The following NAALADL2 variants were observed in gnomAD, a reference collection of about 807,000 sequenced individuals.
NAALADL2 encodes N-acetylated alpha-linked acidic dipeptidase like 2.
NAALADL2 carries 76 observed loss-of-function variants against 87.2 expected under a neutral mutation model. The ratio of observed to expected loss-of-function variants is 0.87; its 90% CI spans 0.72 to 1.05. The LOEUF is 1.05. NAALADL2 is among the 50% of genes least tolerant of loss of function. The pLI, the probability that NAALADL2 is intolerant of heterozygous loss-of-function variation, is 0.00. For missense variants in NAALADL2, 1,089 were observed against 945.8 expected (o/e 1.15, Z -1.99); for synonymous variants, 354 against 331.0 (o/e 1.07, Z -0.75).
intron 3 of NAALADL2, among the ~76,000 whole-genome samples, chr3:174,832,232 T>C (rs1318066439): frequency 6.6e-6 from 1 of 152,188 alleles, no homozygotes; most frequent in African/African-American, 2.4e-5. Flanking sequence ...TCCTGCTTTC[T>C]CTTATGGGCA....
chr3:174,486,389 G>A (rs1478438727), intron 1 of NAALADL2, among the ~76,000 whole-genome samples: 1 of 152,012 alleles, frequency 6.6e-6, no homozygotes, highest in Non-Finnish European at 1.5e-5. Flanking sequence ...TAAAATGTAT[G>A]GGGCCCCTCG....
At position 175,628,188 on chromosome 3, in the gene NAALADL2, C is replaced by T. The variant is rs189109038; in HGVS notation, c.1896+802C>T. Among the ~76,000 whole-genome samples, 1,074 of 151,650 alleles carry T rather than the reference C, an allele frequency of 7.1e-3. 11 individuals are homozygous for T. Among genetic ancestry groups the T allele is most frequent in the African/African-American group, 0.025 (1,016 of 41,446 alleles). ...CCATTTGGTTCTTCACTTTCAGTGC[C>T]GTATTCGACAAATTACATGAGACAT... On this transcript the variant is annotated intron_variant, in intron 11 of 13. Transcript: ENST00000454872.
intron 3 of NAALADL2, among the ~76,000 whole-genome samples, chr3:175,255,455 GACTA>G (rs748310584): frequency 2.0e-5 from 3 of 152,228 alleles, no homozygotes; most frequent in East Asian, 1.9e-4. Context: ...GATTTGCCAT[GACTA>G]ACTGTTTTCT....
chr3:175,205,701 A>G (rs534602017), intron 2 of NAALADL2, among the ~76,000 whole-genome samples: 104 of 152,244 alleles, frequency 6.8e-4, no homozygotes, highest in African/African-American at 2.3e-3. Flanking sequence ...CATATATCTG[A>G]CAAAAGGCTA....
intron 4 of NAALADL2, among the ~76,000 whole-genome samples, chr3:175,294,823 A>G (rs928078779): frequency 6.6e-6 from 1 of 152,192 alleles, no homozygotes; most frequent in African/African-American, 2.4e-5. Flanking sequence ...TCTGACAGAA[A>G]AATTATTCGG....
At chr3:175,683,084 T>G (rs945107666) in intron 11 of NAALADL2, among the ~76,000 whole-genome samples, 1 of 151,830 alleles carries the variant, frequency 6.6e-6, no homozygotes, top group African/African-American at 2.4e-5. Context: ...AAACAGAAAA[T>G]TGTGAGAGGT....
chr3:175,287,387 G>A (rs1305712400), intron 4 of NAALADL2, among the ~76,000 whole-genome samples: 2 of 152,064 alleles, frequency 1.3e-5, no homozygotes, highest in African/African-American at 4.8e-5. Context: ...CCCAAACAAT[G>A]AAAATTGTAA....
intron 2 of NAALADL2, among the ~76,000 whole-genome samples, chr3:174,708,511 A>T (rs1730316717): frequency 6.6e-6 from 1 of 152,196 alleles, no homozygotes; most frequent in Non-Finnish European, 1.5e-5. Flanking sequence ...GAGAAATTTC[A>T]GTAATTCGTT....
chr3:174,454,617 A>G (rs1324989472), intron 1 of NAALADL2, among the ~76,000 whole-genome samples: 1 of 152,212 alleles, frequency 6.6e-6, no homozygotes, highest in East Asian at 1.9e-4. Context: ...ATGGAAATTG[A>G]ATAACCTGCT....
chr3:174,940,694 T>C (rs143078346), intron 1 of NAALADL2, among the ~76,000 whole-genome samples: 1 of 152,030 alleles, frequency 6.6e-6, no homozygotes, highest in African/African-American at 2.4e-5. Flanking sequence ...ATTTTGGAGC[T>C]CATTATCGGT....
intron 1 of NAALADL2, among the ~76,000 whole-genome samples, chr3:174,892,960 AC>A (rs1030583259): frequency 1.3e-5 from 2 of 151,750 alleles, no homozygotes; most frequent in African/African-American, 4.8e-5. Flanking sequence ...GTTGTAGAAA[AC>A]CAAGCAGATT....
intron 1 of NAALADL2, among the ~76,000 whole-genome samples, chr3:175,015,134 A>T (rs1209581182): frequency 3.9e-5 from 6 of 152,104 alleles, no homozygotes; most frequent in Non-Finnish European, 7.4e-5. Context: ...AGAAAACTGA[A>T]TTTAAAAATT....
chr3:175,590,338 A>AT (rs374385420), intron 10 of NAALADL2, among the ~76,000 whole-genome samples: 17,314 of 133,452 alleles, frequency 0.13, 1,564 homozygotes, highest in Middle Eastern at 0.2. Context: ...GACCTGTTGA[A>AT]TTTTTTTTTT....
At chr3:175,347,557 T>C (rs1199346466) in intron 5 of NAALADL2, among the ~76,000 whole-genome samples, 2 of 152,078 alleles carry the variant, frequency 1.3e-5, no homozygotes, top group Non-Finnish European at 2.9e-5. Context: ...GTCATCTAGA[T>C]AAATAACCCC....
At chr3:175,211,621 C>T (rs748000108) in intron 2 of NAALADL2, among the ~76,000 whole-genome samples, 7 of 151,868 alleles carry the variant, frequency 4.6e-5, no homozygotes, top group Non-Finnish European at 7.4e-5. Context: ...GTCATCTATT[C>T]CCTGAAATGT....
intron 1 of NAALADL2, among the ~76,000 whole-genome samples, chr3:174,486,635 G>GT (rs1403682227): frequency 4.6e-5 from 7 of 152,010 alleles, no homozygotes; most frequent in African/African-American, 1.7e-4. Context: ...TCTAAGAGGA[G>GT]TTGTTGATTT....
chr3:174,654,589 T>C (rs781560941), intron 2 of NAALADL2, among the ~76,000 whole-genome samples: 4 of 152,156 alleles, frequency 2.6e-5, no homozygotes, highest in Non-Finnish European at 4.4e-5. Context: ...CTCAAAAAGC[T>C]CAAATTGAGA....
At chr3:175,260,675 G>A (rs894486671) in intron 4 of NAALADL2, among the ~76,000 whole-genome samples, 13 of 152,124 alleles carry the variant, frequency 8.5e-5, no homozygotes, top group African/African-American at 3.1e-4. Context: ...CTGGGAACAT[G>A]CAGCTGAATG....
At position 175,220,780 on chromosome 3, in the gene NAALADL2, A is replaced by T. The variant is rs1325617215; in HGVS notation, c.546-13151A>T. ...TCTAATTTATTTAAATTGAATCTAG[A>T]TCGTTTATCTTTTTCTTTCATTTTT... On this transcript the variant is annotated intron_variant, in intron 2 of 13. Transcript: ENST00000454872. Among the ~76,000 whole-genome samples, 9 of 152,064 alleles carry T rather than the reference A, an allele frequency of 5.9e-5. No homozygotes were observed. The South Asian group carries it at 1.9e-3, about 32-fold the overall frequency.
Sources: allele counts gnomAD v4.1 joint callset (sites outside exome capture counted in the v4.1 genomes callset), GRCh38; gene constraint gnomAD v4.1.1; transcripts MANE v1.5; gene names NCBI Gene and HGNC (gene_info 2026-07-23, HGNC 2026-07-21).